ACBD6: variants seen among roughly 807,000 people sequenced by gnomAD.
ACBD6 encodes the protein acyl-CoA binding domain containing 6, also known as acyl-CoA-binding domain-containing protein 6.
In ACBD6, 28 loss-of-function variants were observed where a neutral mutation model predicts 37.2. The ratio of observed to expected loss-of-function variants is 0.75; its 90% confidence interval spans 0.56 to 1.03. The LOEUF is 1.03. ACBD6 is among the 50% of genes least tolerant of loss of function. ACBD6 has a pLI of 0.00. For synonymous variants in ACBD6, 113 were observed against 126.8 expected (o/e 0.89, Z 0.73); for missense variants, 340 against 337.4 (o/e 1.01, Z -0.06).
At position 180,502,080 on chromosome 1, in the gene ACBD6, C is replaced by T; in HGVS notation, c.187G>A (p.Glu63Lys). ...CTGGCATACAGGTACAAGAGCTGCTCCCTGCTGGCCACCTGAATCAGGCCT... is the reference window on the plus strand; with the variant it reads ...CTGGCATACAGGTACAAGAGCTGCTTCCTGCTGGCCACCTGAATCAGGCCT... ...LQGLIQVASREQLLYLYARYK... is the reference protein window; with the variant it reads ...LQGLIQVASRKQLLYLYARYK... The change falls in exon 1 of 8, where the codon GAG (glutamate) becomes AAG (lysine). Residue 63 changes from glutamate (E) to lysine (K), a missense_variant. Physicochemically the swap from Glu to Lys is moderately conservative, Grantham distance 56. Coordinates refer to ENST00000367595, the MANE Select transcript of ACBD6 (RefSeq NM_032360.4). 1 of 1,613,812 alleles carries T rather than the reference C, an allele frequency of 6.2e-7. No individual in the cohort carries two copies. Among genetic ancestry groups the T allele is most frequent in the South Asian group, 1.1e-5 (1 of 90,948 alleles).
intron 6 of ACBD6, among the ~76,000 whole-genome samples, chr1:180,381,015 G>A (rs944845497): frequency 1.3e-5 from 2 of 152,154 alleles, no homozygotes; most frequent in East Asian, 3.9e-4. Context: ...GAATATGAGA[G>A]GATGAAAAAG....
At chr1:180,271,378 A>G (rs786204780) in exon 14 of ACBD6, 3 of 1,614,230 alleles carry the variant, frequency 1.9e-6, no homozygotes, top group Non-Finnish European at 2.5e-6. Flanking sequence ...TTTTCCTTGC[A>G]GATGACTCAG....
chr1:180,497,440 A>T (rs78079797), intron 1 of ACBD6, among the ~76,000 whole-genome samples: 3,324 of 152,312 alleles, frequency 0.022, 122 homozygotes, highest in African/African-American at 0.075. Context: ...CTGACCATGA[A>T]AAAGGAACTT....
At chr1:180,390,183 G>A (rs1339775727) in intron 6 of ACBD6, among the ~76,000 whole-genome samples, 1 of 152,030 alleles carries the variant, frequency 6.6e-6, no homozygotes, top group Non-Finnish European at 1.5e-5. Flanking sequence ...TTTTGTAGAA[G>A]GTGTAAGGAA....
At chr1:180,478,228 A>G in intron 3 of ACBD6, among the ~76,000 whole-genome samples, 1 of 152,206 alleles carries the variant, frequency 6.6e-6, no homozygotes, top group East Asian at 1.9e-4. Flanking sequence ...ATTTTTATTT[A>G]TTAAGTACAG....
At chr1:180,464,439 C>T (rs1650271179) in intron 3 of ACBD6, among the ~76,000 whole-genome samples, 1 of 151,906 alleles carries the variant, frequency 6.6e-6, no homozygotes, top group Non-Finnish European at 1.5e-5. Flanking sequence ...CCATTCACAA[C>T]TGTCACAAAA....
At chr1:180,346,222 G>A (rs931456960) in intron 6 of ACBD6, among the ~76,000 whole-genome samples, 3 of 152,200 alleles carry the variant, frequency 2.0e-5, no homozygotes, top group Non-Finnish European at 4.4e-5. Flanking sequence ...AATCTTAGGA[G>A]AAACATAAAT....
intron 5 of ACBD6, 147 bp from the exon 6 acceptor site, chr1:180,397,752 A>T: frequency 1.3e-6 from 1 of 753,978 alleles, no homozygotes; most frequent in Non-Finnish European, 2.3e-6. Flanking sequence ...CTATGGAAAA[A>T]GCAATAAACA....
At chr1:180,411,598 T>C (rs978264105) in intron 5 of ACBD6, among the ~76,000 whole-genome samples, 3 of 152,218 alleles carry the variant, frequency 2.0e-5, no homozygotes, top group Admixed American at 6.5e-5. Flanking sequence ...AATTAAGGTA[T>C]GTACTTTGTT....
intron 6 of ACBD6, among the ~76,000 whole-genome samples, chr1:180,392,034 A>G (rs529849150): frequency 9.8e-5 from 15 of 152,304 alleles, no homozygotes; most frequent in Admixed American, 7.2e-4. Context: ...TGAACATAAT[A>G]AGCTTAATCC....
rs543597692 is a variant in ACBD6, at chr1:180,357,229, G to A, written c.663+40287C>T. Among the ~76,000 whole-genome samples, 3 of 152,278 alleles carry A rather than the reference G, an allele frequency of 2.0e-5. No individual in the cohort carries two copies. In the East Asian group the frequency reaches 5.8e-4, roughly 29 times the overall value. ...GAAACTAACATCCTGAAATAAGTAA[G>A]GTAGGTAATAGTAGCTATATTTCGT... On this transcript the variant is annotated intron_variant, in intron 6 of 7. Coordinates refer to ENST00000367595, the MANE Select transcript of ACBD6 (RefSeq NM_032360.4).
At chr1:180,461,017 G>A (rs976338852) in intron 3 of ACBD6, among the ~76,000 whole-genome samples, 7 of 152,116 alleles carry the variant, frequency 4.6e-5, no homozygotes, top group African/African-American at 1.7e-4. Context: ...AACATTGCAG[G>A]AGCTGACAAA....
chr1:180,483,600 C>T (rs1466209870), intron 3 of ACBD6, among the ~76,000 whole-genome samples: 1 of 151,858 alleles, frequency 6.6e-6, no homozygotes, highest in Admixed American at 6.6e-5. Context: ...TACCTTAATA[C>T]ATGGTAGAAA....
At chr1:180,428,117 T>C (rs1158362605) in intron 4 of ACBD6, among the ~76,000 whole-genome samples, 2 of 152,160 alleles carry the variant, frequency 1.3e-5, no homozygotes, top group Admixed American at 6.5e-5. Context: ...CTTGCTCACA[T>C]TCATGTTTCT....
Position 180,271,565 on chromosome 1 carries a change from G to A in ACBD6, c.*1660C>T, listed in dbSNP as rs752362672. On this transcript the variant is annotated 3_prime_UTR_variant, in exon 14 of 14. Coordinates refer to the ACBD6 transcript ENST00000642319. ...ATGCCAGCACTCCTGTGCCCTCCGGGGATCCCAGGCCCGGGACAGGGGTGG... is the reference window on the plus strand; with the variant it reads ...ATGCCAGCACTCCTGTGCCCTCCGGAGATCCCAGGCCCGGGACAGGGGTGG... The A allele has an allele frequency of 2.5e-6, 4 of 1,613,208 alleles. No individual in the cohort carries two copies. The East Asian group carries it at 8.9e-5, about 36-fold the overall frequency.
chr1:180,306,126 A>T (rs1179739637), intron 7 of ACBD6, among the ~76,000 whole-genome samples: 2 of 150,962 alleles, frequency 1.3e-5, no homozygotes, highest in Admixed American at 6.6e-5. Flanking sequence ...GAGGGATAGC[A>T]TTAGGAGATA....
At position 180,449,433 on chromosome 1, in the gene ACBD6, A is replaced by G. The variant is rs183687301; in HGVS notation, c.385-19171T>C. Among the ~76,000 whole-genome samples, 1,062 of 145,722 alleles carry G rather than the reference A, an allele frequency of 7.3e-3. 12 individuals are homozygous for G. The highest frequency in any genetic ancestry group is 0.026 in the African/African-American group (1,016 of 38,354). On this transcript the variant is annotated intron_variant, in intron 3 of 7. Coordinates refer to ENST00000367595, the MANE Select transcript of ACBD6 (RefSeq NM_032360.4). ...CACTTTTTTTTTTTTTTTTTGAGAC[A>G]GAGTCTCACTCTGTCACCCAGGCTG...
At chr1:180,468,263 T>C (rs2102053149) in intron 3 of ACBD6, among the ~76,000 whole-genome samples, 1 of 152,280 alleles carries the variant, frequency 6.6e-6, no homozygotes, top group South Asian at 2.1e-4. Flanking sequence ...CTCCAAGCAA[T>C]TACTGAGGAT....
At chr1:180,389,689 C>T (rs1406433062) in intron 6 of ACBD6, among the ~76,000 whole-genome samples, 1 of 152,166 alleles carries the variant, frequency 6.6e-6, no homozygotes, top group African/African-American at 2.4e-5. Flanking sequence ...TTAATGATCG[C>T]CATTCTAACT....
Sources: allele counts gnomAD v4.1 joint callset (sites outside exome capture counted in the v4.1 genomes callset), GRCh38; gene constraint gnomAD v4.1.1; transcripts MANE v1.5; gene names NCBI Gene and HGNC (gene_info 2026-07-23, HGNC 2026-07-21).